The following SRP72 variants were observed in gnomAD, a reference collection of about 807,000 sequenced individuals.
SRP72 encodes the protein signal recognition particle 72, also known as signal recognition particle subunit SRP72.
In SRP72, 49 loss-of-function variants were observed where a neutral mutation model predicts 96.3. That is an observed-to-expected ratio of 0.51 (90% confidence interval 0.40 to 0.65). The LOEUF (loss-of-function observed/expected upper bound fraction) is 0.65. Among genes scored for constraint, SRP72 ranks in the 30% least tolerant of loss-of-function variants. The probability of loss-of-function intolerance (pLI) is 0.00; values close to 1 mark genes in which losing one functional copy is unlikely to be tolerated. For missense variants in SRP72, 736 were observed against 793.3 expected (o/e 0.93, Z 0.87); for synonymous variants, 267 against 275.2 (o/e 0.97, Z 0.30).
chr4:56,495,878 C>T (rs1165668154), intron 17 of SRP72, among the ~76,000 whole-genome samples: 1 of 152,116 alleles, frequency 6.6e-6, no homozygotes, highest in African/African-American at 2.4e-5. Flanking sequence ...GTATTTTTAC[C>T]TCTTTGTTCT....
intron 15 of SRP72, among the ~76,000 whole-genome samples, 155 bp from the exon 16 acceptor site, chr4:56,491,276 T>C (rs1720895259): frequency 6.6e-6 from 1 of 152,206 alleles, no homozygotes; most frequent in Admixed American, 6.5e-5. Flanking sequence ...TGACTTGTTA[T>C]TGTATAGAAG....
chr4:56,493,480 T>A (rs374744915), intron 16 of SRP72, among the ~76,000 whole-genome samples: 1 of 152,346 alleles, frequency 6.6e-6, no homozygotes, highest in South Asian at 2.1e-4. Flanking sequence ...CTAACTTGGA[T>A]GCAAAGGTTT....
chr4:56,474,427 G>A (rs148136216), intron 5 of SRP72, 36 bp downstream of exon 5: 433 of 1,552,372 alleles, frequency 2.8e-4, no homozygotes, highest in Non-Finnish European at 3.6e-4. Flanking sequence ...TAAATATAAC[G>A]TGCATATAAC....
rs1719782095 is a variant in SRP72 at position 56,467,640 on chromosome 4, C to T, written c.5C>T (p.Ala2Val). ...CCGCCCCTCGTCTCCTCCAAGATGGCGAGCGGCGGCAGCGGGGGGGTGTCA... is the reference window on the plus strand; with the variant it reads ...CCGCCCCTCGTCTCCTCCAAGATGGTGAGCGGCGGCAGCGGGGGGGTGTCA... M[A>V]SGGSGGVSVP... The change falls in exon 1 of 19, where the codon GCG becomes GTG. Residue 2 changes from alanine to valine, a missense_variant. Ala to Val is a moderately conservative substitution (Grantham distance 64, BLOSUM62 0). Around this residue, in one of 3 missense-constraint regions of SRP72, gnomAD observed 329 missense variants for 319.0 expected, o/e 1.03. Coordinates refer to ENST00000642900, the MANE Select transcript of SRP72 (RefSeq NM_006947.4). 6.4e-7 allele frequency: 1 copy of T among 1,556,820 alleles called. No homozygotes were observed. Among genetic ancestry groups the T allele is most frequent in the Non-Finnish European group, 8.7e-7 (1 of 1,152,906 alleles).
Position 56,476,699 on chromosome 4 carries a change from C to T in SRP72, c.639C>T (p.Asp213=). The part of the protein sequence containing the change: ...EDLCRRSLSE[D]TDGTEEDPQA... ...TTTGCCGCCGTTCATTATCAGAAGA[C>T]ACTGTAAGTATTCCATCATTGTTAA... The change falls in exon 6 of 19, where the codon GAC becomes GAT. Residue 213 remains aspartate, a synonymous_variant. Coordinates refer to ENST00000642900, the MANE Select transcript of SRP72 (RefSeq NM_006947.4). The T allele has an allele frequency of 4.3e-6, 7 of 1,612,606 alleles. No individual in the cohort carries two copies. Among genetic ancestry groups the T allele is most frequent in the Non-Finnish European group, 5.9e-6 (7 of 1,179,698 alleles).
chr4:56,489,240 CTA>C (rs1379035173), intron 12 of SRP72, 146 bp from the exon 13 acceptor site: 1 of 428,342 alleles, frequency 2.3e-6, no homozygotes, highest in Non-Finnish European at 4.2e-6. Flanking sequence ...GTAAAGTTAA[CTA>C]TGTTCTCTAA....
At chr4:56,481,005 G>A (rs903996244) in intron 8 of SRP72, among the ~76,000 whole-genome samples, 3 of 152,180 alleles carry the variant, frequency 2.0e-5, no homozygotes, top group African/African-American at 7.2e-5. Context: ...AGTTTAAAAA[G>A]TAGATTAGAT....
intron 4 of SRP72, 27 bp downstream of exon 4, chr4:56,474,224 C>A (rs754791575): frequency 6.2e-7 from 1 of 1,613,710 alleles, no homozygotes; most frequent in East Asian, 2.2e-5. Context: ...TGTACCCATA[C>A]AGTCATGAAT....
intron 5 of SRP72, among the ~76,000 whole-genome samples, chr4:56,475,033 G>A (rs934984827): frequency 6.6e-6 from 1 of 152,108 alleles, no homozygotes; most frequent in Non-Finnish European, 1.5e-5. Flanking sequence ...ACTGTGTCAG[G>A]TATTAACGTG....
At chr4:56,491,676 G>A (rs775701489) in intron 16 of SRP72, 108 bp downstream of exon 16, 2 of 1,143,228 alleles carry the variant, frequency 1.7e-6, no homozygotes, top group East Asian at 2.5e-5. Context: ...AGTTCTCTTT[G>A]TTCCTTTTCC....
Position 56,478,407 on chromosome 4 carries a change from A to G in SRP72, c.671A>G (p.Glu224Gly), listed in dbSNP as rs767517393. The G allele has an allele frequency of 1.2e-6, 2 of 1,612,040 alleles. No homozygotes were observed. The highest frequency in any genetic ancestry group is 1.7e-6 in the Non-Finnish European group (2 of 1,179,550). Residue 224 changes from glutamate to glycine, a missense_variant, in exon 7 of 19, where the codon GAA becomes GGA. Physicochemically the swap from Glu to Gly is moderately conservative, Grantham distance 98. Around this residue, in one of 3 missense-constraint regions of SRP72, gnomAD observed 329 missense variants for 319.0 expected, o/e 1.03. Coordinates refer to ENST00000642900, the MANE Select transcript of SRP72 (RefSeq NM_006947.4). ...GGGACTGAGGAAGACCCACAGGCAG[A>G]ACTGGCCATCATTCATGGTCAGATG... ...TDGTEEDPQA[E>G]LAIIHGQMAY...
At chr4:56,482,952 T>C (rs562685980) in intron 8 of SRP72, among the ~76,000 whole-genome samples, 187 bp from the exon 9 acceptor site, 400 of 152,286 alleles carry the variant, frequency 2.6e-3, no homozygotes, top group Middle Eastern at 6.8e-3. Flanking sequence ...ATTGCAGAGA[T>C]TCAAAAAGAG....
Position 56,490,479 on chromosome 4 carries a change from G to T in SRP72, c.1424+43G>T, listed in dbSNP as rs765279121. The T allele has an allele frequency of 1.8e-5, 29 of 1,602,992 alleles. No homozygotes were observed. The South Asian group carries it at 3.2e-4, about 18-fold the overall frequency. On this transcript the variant is annotated intron_variant, in intron 14 of 18. Coordinates refer to ENST00000642900, the MANE Select transcript of SRP72 (RefSeq NM_006947.4). ...GAGTTGTAGAAATAACACATTTATT[G>T]TTGCTACTTGATATGAGGGAGTTAC...
intron 15 of SRP72, 110 bp from the exon 16 acceptor site, chr4:56,491,321 T>C (rs2110127719): frequency 1.5e-6 from 2 of 1,324,948 alleles, no homozygotes; most frequent in African/African-American, 2.9e-5. Flanking sequence ...TTGAAGGTCA[T>C]CAAGAAAAGA....
intron 5 of SRP72, among the ~76,000 whole-genome samples, chr4:56,474,832 A>G (rs1243893988): frequency 6.6e-6 from 1 of 152,122 alleles, no homozygotes; most frequent in Non-Finnish European, 1.5e-5. Flanking sequence ...TCACAGGCGC[A>G]TGCCAGAAAT....
At chr4:56,468,188 C>G (rs113730889) in intron 1 of SRP72, among the ~76,000 whole-genome samples, 1 of 152,140 alleles carries the variant, frequency 6.6e-6, no homozygotes, top group Admixed American at 6.5e-5. Flanking sequence ...GAGGAACCTG[C>G]TTGGGACACG....
At chr4:56,480,905 C>G (rs1294453859) in intron 8 of SRP72, among the ~76,000 whole-genome samples, 1 of 151,804 alleles carries the variant, frequency 6.6e-6, no homozygotes, top group Non-Finnish European at 1.5e-5. Context: ...GAAGGTTAAG[C>G]AACAGCACAA....
chr4:56,500,028 C>T (rs1578200021), intron 17 of SRP72, among the ~76,000 whole-genome samples: 1 of 151,910 alleles, frequency 6.6e-6, no homozygotes, highest in East Asian at 1.9e-4. Flanking sequence ...CAATACTATG[C>T]AGCCATAAAA....
At chr4:56,478,857 T>C (rs1180006330) in intron 8 of SRP72, among the ~76,000 whole-genome samples, 4 of 152,174 alleles carry the variant, frequency 2.6e-5, no homozygotes, top group African/African-American at 9.7e-5. Context: ...CCTTTTGTAG[T>C]AGACCCTAGA....
Sources: allele counts gnomAD v4.1 joint callset (sites outside exome capture counted in the v4.1 genomes callset), GRCh38; gene constraint gnomAD v4.1.1; regional missense constraint gnomAD v4.1.1; transcripts MANE v1.5; gene names NCBI Gene and HGNC (gene_info 2026-07-23, HGNC 2026-07-21).